The following FYB1 variants were observed in gnomAD, a reference collection of about 807,000 sequenced individuals.
FYB1 encodes FYN-binding protein 1.
Under a neutral mutation model 94.1 loss-of-function variants are expected in FYB1, and 41 were observed. The observed-to-expected ratio is 0.44, with a 90% confidence interval of 0.34 to 0.57. The LOEUF is 0.57. FYB1 is among the 20% of genes least tolerant of loss of function. FYB1 has a pLI of 0.02. For synonymous variants in FYB1, 367 were observed against 353.2 expected, an observed-to-expected ratio of 1.04 and a Z score of -0.44; for missense variants, 1,050 against 976.8, an observed-to-expected ratio of 1.07 and a Z score of -1.00.
intron 3 of FYB1, among the ~76,000 whole-genome samples, chr5:39,146,682 C>T (rs1742685054): frequency 6.6e-6 from 1 of 152,190 alleles, no homozygotes; most frequent in Non-Finnish European, 1.5e-5. Flanking sequence ...TTGCATAGCA[C>T]ATTCATACAC....
At chr5:39,139,868 TAC>T (rs1280815391) in intron 4 of FYB1, 3 of 152,012 alleles carry the variant, frequency 2.0e-5, no homozygotes, top group Non-Finnish European at 2.9e-5. Context: ...AATATACACA[TAC>T]ACACACATAG....
intron 1 of FYB1, among the ~76,000 whole-genome samples, chr5:39,241,950 C>G (rs540741606): frequency 3.6e-4 from 54 of 151,886 alleles, no homozygotes; most frequent in Middle Eastern, 3.4e-3. Context: ...TTTATTAGGC[C>G]AAAGATGTTG....
chr5:39,269,476 T>C (rs1326197033), intron 1 of FYB1, among the ~76,000 whole-genome samples: 3 of 152,348 alleles, frequency 2.0e-5, no homozygotes, highest in Admixed American at 1.3e-4. Flanking sequence ...GGCAGGGTCA[T>C]GCACTAACAT....
At chr5:39,218,711 G>A (rs1322762999) in intron 1 of FYB1, among the ~76,000 whole-genome samples, 2 of 152,194 alleles carry the variant, frequency 1.3e-5, no homozygotes, top group African/African-American at 4.8e-5. Context: ...AGAAGGCAGA[G>A]TCAGAGGCCC....
chr5:39,259,666 T>C (rs1752134818), intron 1 of FYB1, among the ~76,000 whole-genome samples: 1 of 152,058 alleles, frequency 6.6e-6, no homozygotes, highest in South Asian at 2.1e-4. Context: ...TAGAATAATC[T>C]GAAAAGGACT....
intron 2 of FYB1, among the ~76,000 whole-genome samples, chr5:39,197,482 A>T (rs1243948436): frequency 2.0e-5 from 3 of 152,232 alleles, no homozygotes; most frequent in Admixed American, 1.3e-4. Context: ...CTGTAGCAGC[A>T]CACTAAGAAG....
At chr5:39,179,408 A>G (rs1470432413) in intron 2 of FYB1, among the ~76,000 whole-genome samples, 1 of 151,972 alleles carries the variant, frequency 6.6e-6, no homozygotes, top group Non-Finnish European at 1.5e-5. Context: ...AATCTTTTCC[A>G]TTTTCAGGAG....
Position 39,192,874 on chromosome 5 carries a change from T to C in FYB1, c.1135+8952A>G, listed in dbSNP as rs1747486707. The stretch of plus-strand genomic sequence containing the variant: ...GGGAACTTTTCAATGGCAAAGTCTC[T>C]GAAGTTGAGGAATCTACCTTTCTCA... On this transcript the variant is annotated intron_variant, in intron 2 of 18. Coordinates refer to ENST00000512982, the MANE Select transcript of FYB1 (RefSeq NM_001465.6). Among the ~76,000 whole-genome samples the C allele has an allele frequency of 2.0e-5, 3 of 152,256 alleles. No individual in the cohort carries two copies. The South Asian group carries it at 6.2e-4, about 31-fold the overall frequency.
chr5:39,156,066 T>C (rs567191098), intron 2 of FYB1, among the ~76,000 whole-genome samples: 2 of 152,246 alleles, frequency 1.3e-5, no homozygotes, highest in South Asian at 2.1e-4. Context: ...CTGTGACTTA[T>C]CCTCTCATGG....
At position 39,185,089 on chromosome 5, in the gene FYB1, C is replaced by T. The variant is rs537989028; in HGVS notation, c.1135+16737G>A. Among the ~76,000 whole-genome samples the T allele has an allele frequency of 6.6e-5, 10 of 152,166 alleles. No homozygotes were observed. The East Asian group carries it at 1.7e-3, about 26-fold the overall frequency. ...TAATTTTGGAATCTAAGTTAAAATT[C>T]TCTTCAGATTTTCTAAGTCCTATGG... On this transcript the variant is annotated intron_variant, in intron 2 of 18. Coordinates refer to ENST00000512982, the MANE Select transcript of FYB1 (RefSeq NM_001465.6).
chr5:39,230,051 A>G (rs1750654229), intron 1 of FYB1, among the ~76,000 whole-genome samples: 1 of 152,160 alleles, frequency 6.6e-6, no homozygotes, highest in Non-Finnish European at 1.5e-5. Context: ...CTCTTCCTAT[A>G]GTGAGGTAGG....
At position 39,106,016 on chromosome 5, in the gene FYB1, T is replaced by C. The variant is rs1222169291; in HGVS notation, c.*1427A>G. 6.6e-6 allele frequency: 1 copy of C among 152,168 alleles called. No individual in the cohort carries two copies. Among genetic ancestry groups the C allele is most frequent in the Non-Finnish European group, 1.5e-5 (1 of 68,012 alleles). The allele number at this position is 152,168 out of a possible 1,614,324, so 9.4% of individuals were successfully genotyped here. A position where few individuals can be genotyped will look rare whatever the true frequency, so the allele number is the denominator to read the frequency against. On this transcript the variant is annotated 3_prime_UTR_variant, in exon 19 of 19. Transcript: ENST00000512982. ...ATTATTTCAATTCTGTGGAGCCACTTCAGAAACTCCAATGGGCCTTTGCAA... is the reference window on the plus strand; with the variant it reads ...ATTATTTCAATTCTGTGGAGCCACTCCAGAAACTCCAATGGGCCTTTGCAA...
At chr5:39,205,294 G>A (rs1285012246) in intron 1 of FYB1, among the ~76,000 whole-genome samples, 1 of 152,100 alleles carries the variant, frequency 6.6e-6, no homozygotes, top group Non-Finnish European at 1.5e-5. Context: ...AATCTTACTC[G>A]CTATGTAACC....
chr5:39,242,513 C>A (rs575892906), intron 1 of FYB1, among the ~76,000 whole-genome samples: 42 of 152,172 alleles, frequency 2.8e-4, no homozygotes, highest in African/African-American at 1.0e-3. Flanking sequence ...TGTATATGTG[C>A]CACATTTTCT....
At chr5:39,229,996 T>C (rs1455578046) in intron 1 of FYB1, among the ~76,000 whole-genome samples, 2 of 152,006 alleles carry the variant, frequency 1.3e-5, no homozygotes, top group African/African-American at 4.8e-5. Context: ...CAAATCAAGA[T>C]CGGGAATCTC....
At chr5:39,124,181 A>G (rs1740403009) in intron 13 of FYB1, 72 bp downstream of exon 13, 18 of 1,019,658 alleles carry the variant, frequency 1.8e-5, no homozygotes, top group Non-Finnish European at 2.6e-5. Flanking sequence ...CAGATACTAT[A>G]TCCAGAGCTT....
chr5:39,266,484 G>A (rs1464966742), intron 1 of FYB1, among the ~76,000 whole-genome samples: 1 of 152,162 alleles, frequency 6.6e-6, no homozygotes, highest in Non-Finnish European at 1.5e-5. Flanking sequence ...GTGCCTTTGT[G>A]CTTCATTCTC....
At chr5:39,141,019 C>A in intron 4 of FYB1, 76 bp downstream of exon 4, 1 of 971,364 alleles carries the variant, frequency 1.0e-6, no homozygotes. Context: ...CATTAATGAG[C>A]CTATAAGAAT....
At chr5:39,129,057 ACT>A (rs932816511) in intron 10 of FYB1, among the ~76,000 whole-genome samples, 10 of 151,984 alleles carry the variant, frequency 6.6e-5, no homozygotes, top group African/African-American at 2.4e-4. Context: ...GAAGCATCAC[ACT>A]CCCTGATTTT....
Sources: allele counts gnomAD v4.1 joint callset (sites outside exome capture counted in the v4.1 genomes callset), GRCh38; gene constraint gnomAD v4.1.1; transcripts MANE v1.5; gene names NCBI Gene and HGNC (gene_info 2026-07-23, HGNC 2026-07-21).